The following DCC variants were observed in gnomAD, a reference collection of about 807,000 sequenced individuals.
The protein encoded by DCC is DCC netrin 1 receptor.
In DCC, 58 loss-of-function variants were observed where a neutral mutation model predicts 172.5. The ratio of observed to expected loss-of-function variants is 0.34; its 90% CI spans 0.27 to 0.42. The LOEUF (loss-of-function observed/expected upper bound fraction) is 0.42, where lower values mean the gene tolerates loss of function less well. Among genes scored for constraint, DCC ranks in the 10% least tolerant of loss-of-function variants. The pLI is 1.00. For missense variants in DCC, 1,740 were observed against 1,791.0 expected (o/e 0.97, Z 0.51); for synonymous variants, 709 against 644.5 (o/e 1.10, Z -1.52).
intron 22 of DCC, among the ~76,000 whole-genome samples, chr18:53,444,983 G>A (rs1285068072): frequency 1.3e-5 from 2 of 152,034 alleles, no homozygotes; most frequent in African/African-American, 2.4e-5. Flanking sequence ...AATTGAATCT[G>A]TTTTCTACCA....
At chr18:52,913,357 A>T (rs2063601937) in intron 3 of DCC, among the ~76,000 whole-genome samples, 4 of 152,048 alleles carry the variant, frequency 2.6e-5, no homozygotes, top group Admixed American at 2.6e-4. Flanking sequence ...GTAATTATTT[A>T]TTTCCCAATG....
chr18:53,258,120 T>G (rs1351739335), intron 12 of DCC, among the ~76,000 whole-genome samples: 2 of 152,176 alleles, frequency 1.3e-5, no homozygotes, highest in Non-Finnish European at 2.9e-5. Context: ...TTATTAGTCT[T>G]GTTAGCGGTC....
At chr18:53,072,535 G>A (rs147788902) in intron 7 of DCC, among the ~76,000 whole-genome samples, 390 of 152,316 alleles carry the variant, frequency 2.6e-3, no homozygotes, top group African/African-American at 8.8e-3. Flanking sequence ...GTGGAGGGCC[G>A]TGGAACTGGG....
chr18:52,990,131 G>C (rs1329027458), intron 5 of DCC, among the ~76,000 whole-genome samples: 1 of 151,916 alleles, frequency 6.6e-6, no homozygotes, highest in Non-Finnish European at 1.5e-5. Context: ...AGCAACCATA[G>C]TAAGTTGGTG....
intron 5 of DCC, among the ~76,000 whole-genome samples, chr18:52,977,195 A>G (rs188743730): frequency 7.2e-5 from 11 of 152,220 alleles, no homozygotes; most frequent in Admixed American, 3.3e-4. Context: ...TTGCTGGGAA[A>G]AATATTGAGA....
At chr18:52,798,178 C>A (rs2037914665) in intron 2 of DCC, among the ~76,000 whole-genome samples, 1 of 151,680 alleles carries the variant, frequency 6.6e-6, no homozygotes, top group African/African-American at 2.4e-5. Flanking sequence ...AGGCCTCGAA[C>A]AATGTGTATG....
intron 1 of DCC, among the ~76,000 whole-genome samples, chr18:52,638,685 TTAC>T (rs1480348304): frequency 5.1e-4 from 77 of 152,076 alleles, no homozygotes; most frequent in Non-Finnish European, 1.5e-4. Context: ...TATAAAACAA[TTAC>T]TAATTGTTTT....
chr18:52,877,099 A>T (rs2039414871), intron 2 of DCC, among the ~76,000 whole-genome samples: 1 of 152,214 alleles, frequency 6.6e-6, no homozygotes, highest in South Asian at 2.1e-4. Context: ...TTTATACTGT[A>T]ATCGTACCCT....
chr18:52,737,939 C>A (rs1490717288), intron 1 of DCC, among the ~76,000 whole-genome samples: 1 of 152,144 alleles, frequency 6.6e-6, no homozygotes, highest in Non-Finnish European at 1.5e-5. Context: ...AGCAGTATCA[C>A]CTCAGAACAG....
chr18:53,523,956 AG>A (rs1023563563), intron 27 of DCC, among the ~76,000 whole-genome samples: 31 of 150,062 alleles, frequency 2.1e-4, no homozygotes, highest in African/African-American at 7.6e-4. Flanking sequence ...TAATAAAAAA[AG>A]AAATAGTAAA....
chr18:53,382,996 T>A (rs965853983), intron 15 of DCC, among the ~76,000 whole-genome samples: 1 of 152,118 alleles, frequency 6.6e-6, no homozygotes, highest in Non-Finnish European at 1.5e-5. Flanking sequence ...AAAACCCAGA[T>A]ACAGAAAACC....
At chr18:52,751,441 A>G (rs1460638504) in intron 1 of DCC, among the ~76,000 whole-genome samples, 1 of 152,228 alleles carries the variant, frequency 6.6e-6, no homozygotes, top group Non-Finnish European at 1.5e-5. Flanking sequence ...CATGAGAAAC[A>G]TTTGGATGAA....
At chr18:52,969,582 C>CACTCTCTCTCTCT (rs60961374) in intron 5 of DCC, among the ~76,000 whole-genome samples, 18 of 80,086 alleles carry the variant, frequency 2.2e-4, no homozygotes, top group African/African-American at 8.2e-4. Context: ...GCCCCGCCCC[C>CACTCTCTCTCTCT]CACTCTCTCT....
intron 2 of DCC, among the ~76,000 whole-genome samples, chr18:52,781,160 A>G (rs1264570744): frequency 6.6e-6 from 1 of 152,172 alleles, no homozygotes; most frequent in Non-Finnish European, 1.5e-5. Context: ...AGGTTGAGAA[A>G]GGAAACCTAG....
At chr18:53,376,767 A>G (rs945927076) in intron 15 of DCC, among the ~76,000 whole-genome samples, 1 of 152,206 alleles carries the variant, frequency 6.6e-6, no homozygotes, top group Non-Finnish European at 1.5e-5. Context: ...ATATGACAGC[A>G]GAAATATCTT....
At chr18:53,344,186 A>G (rs2057695318) in intron 15 of DCC, among the ~76,000 whole-genome samples, 1 of 151,638 alleles carries the variant, frequency 6.6e-6, no homozygotes, top group African/African-American at 2.4e-5. Context: ...CTTCTCTTCT[A>G]TTTCTAATTT....
chr18:53,428,709 T>A lies in DCC; in HGVS notation c.3164-6435T>A, dbSNP rs190872564. Reference sequence around the variant, plus strand: ...TTATATATAATGTATATTTTATATATTATATATATTTATATATATTATATT... The same window carrying A: ...TTATATATAATGTATATTTTATATAATATATATATTTATATATATTATATT... On this transcript the variant is annotated intron_variant, in intron 21 of 28. Transcript: ENST00000442544. Among the ~76,000 whole-genome samples, 72 of 59,040 alleles carry A rather than the reference T, an allele frequency of 1.2e-3. 6 individuals carry two copies. The highest frequency in any genetic ancestry group is 0.012 in the East Asian group (29 of 2,394). 38.7% of individuals were successfully genotyped at this position (59,040 alleles called of 152,430 possible).
At chr18:52,468,593 T>TTAA (rs1988856423) in intron 1 of DCC, among the ~76,000 whole-genome samples, 1 of 152,248 alleles carries the variant, frequency 6.6e-6, no homozygotes, top group Non-Finnish European at 1.5e-5. Flanking sequence ...AGTTAATATG[T>TTAA]TTAGCAATGT....
intron 12 of DCC, among the ~76,000 whole-genome samples, chr18:53,304,918 G>C (rs767565783): frequency 1.3e-5 from 2 of 152,124 alleles, no homozygotes; most frequent in Non-Finnish European, 2.9e-5. Context: ...ATTCCTACCT[G>C]TCATGGGAGG....
Sources: allele counts gnomAD v4.1 joint callset (sites outside exome capture counted in the v4.1 genomes callset), GRCh38; gene constraint gnomAD v4.1.1; transcripts MANE v1.5; gene names NCBI Gene and HGNC (gene_info 2026-07-23, HGNC 2026-07-21).